Variants in DLG2 observed in about 807,000 individuals in gnomAD.
DLG2 encodes discs large MAGUK scaffold protein 2, also known as disks large homolog 2.
Under a neutral mutation model 132.5 loss-of-function variants are expected in DLG2, and 45 were observed. The observed-to-expected ratio is 0.34, with a 90% CI of 0.27 to 0.44. The LOEUF is 0.44. DLG2 is among the 20% of genes least tolerant of loss of function. DLG2 has a pLI of 1.00. For synonymous variants in DLG2, 424 were observed against 419.6 expected (o/e 1.01, Z -0.13); for missense variants, 1,045 against 1,196.9 (o/e 0.87, Z 1.87).
chr11:83,713,998 T>C (rs1201382868), intron 18 of DLG2, among the ~76,000 whole-genome samples: 3 of 152,212 alleles, frequency 2.0e-5, no homozygotes, highest in Admixed American at 2.0e-4. Flanking sequence ...AGAGTGGGTC[T>C]GAAAACATAC....
intron 6 of DLG2, among the ~76,000 whole-genome samples, chr11:84,958,672 A>C (rs1246567296): frequency 3.3e-5 from 5 of 152,176 alleles, no homozygotes; most frequent in Admixed American, 3.3e-4. Flanking sequence ...TGACAGAGTA[A>C]ACTCTGGTGG....
At chr11:84,842,908 A>T (rs1395261729) in intron 6 of DLG2, among the ~76,000 whole-genome samples, 1 of 151,880 alleles carries the variant, frequency 6.6e-6, no homozygotes, top group Non-Finnish European at 1.5e-5. Context: ...ACACAGCAAA[A>T]ATTGGCCGAG....
At chr11:84,356,129 T>C (rs1410762870) in intron 7 of DLG2, among the ~76,000 whole-genome samples, 2 of 152,152 alleles carry the variant, frequency 1.3e-5, no homozygotes, top group Non-Finnish European at 2.9e-5. Context: ...AGATAAATGC[T>C]TCAGACTCAG....
intron 7 of DLG2, among the ~76,000 whole-genome samples, chr11:84,509,899 T>C (rs2099252379): frequency 1.3e-5 from 2 of 151,928 alleles, no homozygotes; most frequent in Admixed American, 6.6e-5. Flanking sequence ...GGGAAAGAGA[T>C]ATTATTAAAA....
chr11:83,879,097 G>A (rs370949387), intron 15 of DLG2, among the ~76,000 whole-genome samples: 21 of 152,114 alleles, frequency 1.4e-4, no homozygotes, highest in Non-Finnish European at 5.9e-5. Flanking sequence ...GCTTAATTAA[G>A]AAATTTTTGA....
At chr11:84,323,058 A>G (rs1188242455) in intron 7 of DLG2, among the ~76,000 whole-genome samples, 1 of 152,150 alleles carries the variant, frequency 6.6e-6, no homozygotes, top group Non-Finnish European at 1.5e-5. Context: ...TAAAAAACAC[A>G]AAACATAAGA....
chr11:84,698,664 A>G (rs1389642283), intron 6 of DLG2, among the ~76,000 whole-genome samples: 1 of 151,594 alleles, frequency 6.6e-6, no homozygotes. Flanking sequence ...GAAAAAATTA[A>G]ACGTTCTTCT....
At chr11:85,099,160 G>A (rs904320423) in intron 6 of DLG2, among the ~76,000 whole-genome samples, 3 of 152,214 alleles carry the variant, frequency 2.0e-5, no homozygotes, top group East Asian at 1.9e-4. Flanking sequence ...GAGCTCCTGC[G>A]TAGCTGGAGG....
chr11:85,164,384 C>T lies in DLG2; in HGVS notation c.187-9733G>A, dbSNP rs1388150375. Among the ~76,000 whole-genome samples the T allele has an allele frequency of 4.6e-5, 7 of 152,226 alleles. No individual in the cohort carries two copies. In the East Asian group the frequency reaches 7.7e-4, roughly 17 times the overall value. On this transcript the variant is annotated intron_variant, in intron 4 of 27. Coordinates refer to ENST00000376104, the MANE Select transcript of DLG2 (RefSeq NM_001142699.3). ...CCTGGGCCCCAGTGAGATTTACAACCTTCCTACCTCATACCAGATGTTGTC... is the reference window on the plus strand; with the variant it reads ...CCTGGGCCCCAGTGAGATTTACAACTTTCCTACCTCATACCAGATGTTGTC...
intron 11 of DLG2, among the ~76,000 whole-genome samples, chr11:84,053,794 T>C (rs1030936325): frequency 6.6e-6 from 1 of 151,994 alleles, no homozygotes; most frequent in African/African-American, 2.4e-5. Flanking sequence ...ACATTATAAG[T>C]GTTCATTGGT....
At chr11:83,778,974 G>C (rs2094698061) in intron 18 of DLG2, among the ~76,000 whole-genome samples, 1 of 152,114 alleles carries the variant, frequency 6.6e-6, no homozygotes, top group Non-Finnish European at 1.5e-5. Context: ...TTTTCTGTTA[G>C]TAGAATGTGT....
intron 19 of DLG2, among the ~76,000 whole-genome samples, chr11:83,621,571 T>C (rs148048609): frequency 6.1e-4 from 93 of 152,174 alleles, no homozygotes; most frequent in African/African-American, 2.1e-3. Context: ...AAGTGGCCCC[T>C]TGACAGTTTA....
At chr11:84,378,451 T>G (rs1370846857) in intron 7 of DLG2, among the ~76,000 whole-genome samples, 1 of 152,146 alleles carries the variant, frequency 6.6e-6, no homozygotes, top group Non-Finnish European at 1.5e-5. Context: ...ATTCAGTCTG[T>G]AATATTTAGT....
At chr11:84,859,383 T>G (rs113275415) in intron 6 of DLG2, among the ~76,000 whole-genome samples, 17 of 146,280 alleles carry the variant, frequency 1.2e-4, no homozygotes, top group African/African-American at 4.0e-4. Flanking sequence ...CACATATATA[T>G]GCATACATAT....
intron 4 of DLG2, among the ~76,000 whole-genome samples, chr11:85,268,372 TC>T (rs1271507041): frequency 1.3e-5 from 2 of 152,178 alleles, no homozygotes; most frequent in Non-Finnish European, 2.9e-5. Flanking sequence ...CTTTGAGTCT[TC>T]CTGCCTTTTC....
At chr11:83,733,121 A>T (rs1034822976) in intron 18 of DLG2, among the ~76,000 whole-genome samples, 1 of 151,668 alleles carries the variant, frequency 6.6e-6, no homozygotes, top group Admixed American at 6.6e-5. Context: ...GGTGCTCGTA[A>T]TCCCAGCTAC....
intron 8 of DLG2, among the ~76,000 whole-genome samples, chr11:84,187,541 G>C (rs1489188214): frequency 6.6e-6 from 1 of 151,932 alleles, no homozygotes; most frequent in Admixed American, 6.6e-5. Context: ...TTTGAAATTT[G>C]GTCATCTTAA....
At chr11:85,087,194 T>C (rs2068050472) in intron 6 of DLG2, among the ~76,000 whole-genome samples, 1 of 152,288 alleles carries the variant, frequency 6.6e-6, no homozygotes, top group South Asian at 2.1e-4. Flanking sequence ...CAACCTGTAA[T>C]GTAATTTAAA....
At chr11:83,568,619 T>C (rs2096747891) in intron 19 of DLG2, among the ~76,000 whole-genome samples, 2 of 152,064 alleles carry the variant, frequency 1.3e-5, no homozygotes, top group African/African-American at 2.4e-5. Context: ...CAAAGAACTA[T>C]GGATGAGAGT....
Sources: gnomAD v4.1 joint callset for allele counts (sites outside exome capture counted in the v4.1 genomes callset) on GRCh38, gnomAD v4.1.1 for gene constraint, MANE v1.5 for transcripts, NCBI Gene and HGNC (gene_info 2026-07-23, HGNC 2026-07-21) for gene names.